Variants in BTBD9 observed in about 807,000 individuals in gnomAD.
The protein encoded by BTBD9 is BTB domain containing 9.
BTBD9 carries 49 observed loss-of-function variants against 64.3 expected under a neutral mutation model. The observed-to-expected ratio is 0.76, with a 90% CI of 0.61 to 0.97. The LOEUF is 0.97. Ranked by LOEUF, BTBD9 falls within the 50% of genes least tolerant of loss-of-function variation. The pLI is 0.00. For missense variants in BTBD9, 598 were observed against 762.1 expected, an observed-to-expected ratio of 0.78 and a Z score of 2.53; for synonymous variants, 260 against 274.7, an observed-to-expected ratio of 0.95 and a Z score of 0.53.
intron 6 of BTBD9, among the ~76,000 whole-genome samples, chr6:38,569,536 A>G (rs939661217): frequency 1.3e-5 from 2 of 152,360 alleles, no homozygotes; most frequent in Middle Eastern, 3.4e-3. Context: ...TAATAACAAC[A>G]GGTGATTAAT....
intron 7 of BTBD9, among the ~76,000 whole-genome samples, chr6:38,312,472 C>T (rs958904977): frequency 5.3e-5 from 8 of 152,162 alleles, no homozygotes; most frequent in Non-Finnish European, 8.8e-5. Context: ...CTCAAGAAAC[C>T]TTTACCCATT....
intron 10 of BTBD9, among the ~76,000 whole-genome samples, chr6:38,175,905 G>T (rs114708335): frequency 1.3e-5 from 2 of 152,204 alleles, no homozygotes; most frequent in African/African-American, 2.4e-5. Context: ...TGGAACAAAC[G>T]CCCCCAATGT....
At chr6:38,248,911 C>T (rs1001999017) in intron 9 of BTBD9, among the ~76,000 whole-genome samples, 1 of 152,156 alleles carries the variant, frequency 6.6e-6, no homozygotes, top group Non-Finnish European at 1.5e-5. Flanking sequence ...GATTTCCATA[C>T]CGAAGCAAAC....
In BTBD9 at chr6:38,170,434, A is replaced by G. The variant is rs922863650; in HGVS notation, c.*4551T>C. The G allele has an allele frequency of 2.6e-5, 4 of 152,782 alleles. No homozygotes were observed. Among genetic ancestry groups the G allele is most frequent in the African/African-American group, 7.2e-5 (3 of 41,432 alleles). The allele number at this position is 152,782 out of a possible 1,614,324, so 9.5% of individuals were successfully genotyped here. A position where few individuals can be genotyped will look rare whatever the true frequency, so the allele number is the denominator to read the frequency against. ...TGGAAGCCAGAGACCTACCACAAACAAAGACCTGCTGCCTCCGCCCCTCCT... is the reference window on the plus strand; with the variant it reads ...TGGAAGCCAGAGACCTACCACAAACGAAGACCTGCTGCCTCCGCCCCTCCT... On this transcript the variant is annotated 3_prime_UTR_variant, in exon 11 of 11. Coordinates refer to ENST00000481247, the MANE Select transcript of BTBD9 (RefSeq NM_001099272.2).
intron 6 of BTBD9, among the ~76,000 whole-genome samples, chr6:38,577,302 A>G (rs1352831736): frequency 6.6e-6 from 1 of 152,240 alleles, no homozygotes; most frequent in African/African-American, 2.4e-5. Context: ...CATTCACTGT[A>G]TAGCACGGAG....
chr6:38,215,296 G>C (rs1415774842), intron 9 of BTBD9, among the ~76,000 whole-genome samples: 1 of 152,190 alleles, frequency 6.6e-6, no homozygotes, highest in Non-Finnish European at 1.5e-5. Flanking sequence ...GAGCAGCTTA[G>C]AAAGAATATT....
intron 7 of BTBD9, among the ~76,000 whole-genome samples, chr6:38,307,220 A>G (rs143444993): frequency 4.3e-4 from 66 of 152,336 alleles, no homozygotes; most frequent in African/African-American, 1.5e-3. Flanking sequence ...AAAAATATCC[A>G]CAGCTGTTCT....
At chr6:38,521,751 T>G (rs1326313058) in intron 6 of BTBD9, among the ~76,000 whole-genome samples, 1 of 152,182 alleles carries the variant, frequency 6.6e-6, no homozygotes, top group Non-Finnish European at 1.5e-5. Flanking sequence ...CTTGGCTCAC[T>G]GCAACCTCTG....
intron 1 of BTBD9, among the ~76,000 whole-genome samples, chr6:38,609,625 T>C (rs1418866788): frequency 6.6e-6 from 1 of 152,140 alleles, no homozygotes; most frequent in South Asian, 2.1e-4. Flanking sequence ...CTCTAAAGGG[T>C]AGTGGACGGT....
At chr6:38,632,862 G>A (rs566665007) in intron 1 of BTBD9, among the ~76,000 whole-genome samples, 6 of 152,164 alleles carry the variant, frequency 3.9e-5, no homozygotes, top group Non-Finnish European at 8.8e-5. Context: ...AGCCCAGGAG[G>A]TCGAGGTTAT....
intron 4 of BTBD9, among the ~76,000 whole-genome samples, chr6:38,584,830 C>T (rs1337522944): frequency 6.6e-6 from 1 of 152,046 alleles, no homozygotes; most frequent in Non-Finnish European, 1.5e-5. Flanking sequence ...CCCCCTTTTT[C>T]CCACTCTCTG....
intron 6 of BTBD9, among the ~76,000 whole-genome samples, chr6:38,478,038 G>A (rs1770969853): frequency 6.6e-6 from 1 of 152,170 alleles, no homozygotes; most frequent in Non-Finnish European, 1.5e-5. Flanking sequence ...CTGCCACAGG[G>A]ATGTTATACA....
intron 6 of BTBD9, among the ~76,000 whole-genome samples, chr6:38,538,815 G>T (rs887403468): frequency 2.0e-5 from 3 of 149,114 alleles, no homozygotes; most frequent in South Asian, 4.3e-4. Flanking sequence ...ACAGAGTCTT[G>T]CTCTGTAGCT....
chr6:38,284,778 G>C (rs575696206), intron 8 of BTBD9, among the ~76,000 whole-genome samples: 94 of 152,272 alleles, frequency 6.2e-4, no homozygotes, highest in African/African-American at 2.2e-3. Context: ...GATAATGGAC[G>C]GTTAGAGAAG....
intron 1 of BTBD9, among the ~76,000 whole-genome samples, chr6:38,635,629 A>C (rs1351667414): frequency 6.6e-6 from 1 of 152,190 alleles, no homozygotes; most frequent in South Asian, 2.1e-4. Flanking sequence ...TGACATGATC[A>C]GTTCAGCCCC....
At chr6:38,517,066 A>G (rs1355584992) in intron 6 of BTBD9, among the ~76,000 whole-genome samples, 1 of 152,194 alleles carries the variant, frequency 6.6e-6, no homozygotes, top group East Asian at 1.9e-4. Context: ...TGGAGAGACT[A>G]GACAATCTAA....
At chr6:38,247,152 A>T (rs1561922452) in intron 9 of BTBD9, among the ~76,000 whole-genome samples, 1 of 60,750 alleles carries the variant, frequency 1.6e-5, no homozygotes, top group South Asian at 5.0e-4. Flanking sequence ...GGCAAAGAAG[A>T]TGTAAAAAAA....
intron 9 of BTBD9, among the ~76,000 whole-genome samples, chr6:38,215,469 C>T (rs976639409): frequency 2.6e-5 from 4 of 152,198 alleles, no homozygotes; most frequent in Non-Finnish European, 4.4e-5. Context: ...CAGGAGAGCA[C>T]TCATCCCCTC....
At chr6:38,278,330 C>A (rs1360339028) in intron 8 of BTBD9, among the ~76,000 whole-genome samples, 3 of 152,180 alleles carry the variant, frequency 2.0e-5, no homozygotes, top group African/African-American at 7.2e-5. Flanking sequence ...AAAAACAAGT[C>A]TTTCTTAATG....
Sources: gnomAD v4.1 joint callset for allele counts (sites outside exome capture counted in the v4.1 genomes callset) on GRCh38, gnomAD v4.1.1 for gene constraint, MANE v1.5 for transcripts, NCBI Gene and HGNC (gene_info 2026-07-23, HGNC 2026-07-21) for gene names.